SLC25A37: variants seen among roughly 807,000 people sequenced by gnomAD.
The protein encoded by SLC25A37 is mitoferrin-1.
SLC25A37 carries 17 observed loss-of-function variants against 31.0 expected under a neutral mutation model. The ratio of observed to expected loss-of-function variants is 0.55; its 90% confidence interval spans 0.38 to 0.82. The LOEUF is 0.82. SLC25A37 is among the 40% of genes least tolerant of loss of function. SLC25A37 has a pLI of 0.00. For missense variants in SLC25A37, 404 were observed against 465.8 expected (o/e 0.87, Z 1.22); for synonymous variants, 222 against 193.0 (o/e 1.15, Z -1.24).
chr8:23,557,715 C>T (rs1161933448), intron 1 of SLC25A37, among the ~76,000 whole-genome samples: 1 of 152,128 alleles, frequency 6.6e-6, no homozygotes, highest in South Asian at 2.1e-4. Context: ...CAGGGTGAGG[C>T]TTGGAAAACA....
At position 23,571,737 on chromosome 8, in the gene SLC25A37, A is replaced by G. The variant is rs756596587; in HGVS notation, c.899A>G (p.Lys300Arg). The G allele has an allele frequency of 3.7e-6, 6 of 1,613,882 alleles. No homozygotes were observed. Among genetic ancestry groups the G allele is most frequent in the Middle Eastern group, 1.6e-4 (1 of 6,084 alleles). ...CTCAACGGCCTGGCCGGCTACTTCA[A>G]AGGCATCCAGGCGCGTGTCATCTAC... The part of the protein sequence containing the change: ...YQLNGLAGYF[K>R]GIQARVIYQM... The change falls in exon 4 of 4, where the codon AAA becomes AGA. Residue 300 changes from lysine (K) to arginine (R), a missense_variant. This residue lies in a region of SLC25A37 where 243 missense variants were observed against 284.4 expected (regional missense o/e 0.85). Coordinates refer to ENST00000519973, the MANE Select transcript of SLC25A37 (RefSeq NM_016612.4).
chr8:23,540,810 C>A (rs1221382515), intron 1 of SLC25A37, among the ~76,000 whole-genome samples: 55 of 152,306 alleles, frequency 3.6e-4, no homozygotes, highest in Non-Finnish European at 3.1e-4. Flanking sequence ...TAACGGTGCC[C>A]ATCCTGCCTC....
chr8:23,535,385 C>A (rs1801745675), intron 1 of SLC25A37, among the ~76,000 whole-genome samples: 1 of 152,172 alleles, frequency 6.6e-6, no homozygotes, highest in African/African-American at 2.4e-5. Context: ...CATAGGGAAA[C>A]CAGGACCTCA....
In SLC25A37 at chr8:23,571,887, C is replaced by T; in HGVS notation, c.*32C>T. On this transcript the variant is annotated 3_prime_UTR_variant, in exon 4 of 4. Coordinates refer to ENST00000519973, the MANE Select transcript of SLC25A37 (RefSeq NM_016612.4). ...GGATCATAGAATCTTTTCTTAAAGT[C>T]ATTCTCTGCCTGCATCCAGCCCCTT... is the stretch of plus-strand genomic sequence containing the variant. 6.3e-7 allele frequency: 1 copy of T among 1,595,454 alleles called. No individual in the cohort carries two copies. The highest frequency in any genetic ancestry group is 8.6e-7 in the Non-Finnish European group (1 of 1,167,906).
chr8:23,529,513 G>C lies in SLC25A37; in HGVS notation c.210+301G>C, dbSNP rs1444870468. 6.6e-6 allele frequency among the ~76,000 whole-genome samples: 1 copy of C among 152,032 alleles called. No homozygotes were observed. The highest frequency in any genetic ancestry group is 1.5e-5 in the Non-Finnish European group (1 of 67,946). On this transcript the variant is annotated intron_variant, in intron 1 of 3. Coordinates refer to ENST00000519973, the MANE Select transcript of SLC25A37 (RefSeq NM_016612.4). The surrounding 1 kb of genome is among the most constrained non-coding windows in gnomAD (Gnocchi z 4.1). ...GGAGTGGCGAGCACCGCTGGCTTCG[G>C]CGGCGACTGGGCTCCCGGGGGACGC...
At chr8:23,538,289 G>T (rs545018876) in intron 1 of SLC25A37, among the ~76,000 whole-genome samples, 1 of 147,340 alleles carries the variant, frequency 6.8e-6, no homozygotes, top group South Asian at 2.2e-4. Context: ...GCTGAGGAAG[G>T]AGAATCACTT....
intron 1 of SLC25A37, among the ~76,000 whole-genome samples, chr8:23,542,448 G>A (rs545385731): frequency 1.7e-4 from 25 of 143,726 alleles, no homozygotes; most frequent in African/African-American, 6.4e-4. Context: ...GCGCGATCTC[G>A]GCTTACTGCA....
chr8:23,542,194 A>G (rs1374019197), intron 1 of SLC25A37, among the ~76,000 whole-genome samples: 1 of 152,178 alleles, frequency 6.6e-6, no homozygotes, highest in African/African-American at 2.4e-5. Context: ...GGGCATCACA[A>G]CGCATTGCAT....
At chr8:23,567,912 A>G in intron 2 of SLC25A37, 1 of 216,860 alleles carries the variant, frequency 4.6e-6, no homozygotes, top group Non-Finnish European at 9.2e-6. Flanking sequence ...TGTAGATATG[A>G]TATCTCCTTT....
intron 1 of SLC25A37, chr8:23,541,972 TTGGC>T (rs1801904962): frequency 6.6e-6 from 1 of 152,278 alleles, no homozygotes; most frequent in Non-Finnish European, 1.5e-5. Context: ...TTGCTAAACG[TTGGC>T]TTGCGTTAGC....
intron 1 of SLC25A37, among the ~76,000 whole-genome samples, chr8:23,530,871 C>T (rs1251032114): frequency 6.6e-6 from 1 of 152,168 alleles, no homozygotes; most frequent in African/African-American, 2.4e-5. Flanking sequence ...CTTCTGAGCA[C>T]CCTTTGACAC....
chr8:23,563,706 G>A (rs1228075854), intron 1 of SLC25A37, among the ~76,000 whole-genome samples: 1 of 152,218 alleles, frequency 6.6e-6, no homozygotes, highest in Non-Finnish European at 1.5e-5. Context: ...AACTGGCCGG[G>A]TGCAGTGGCT....
intron 1 of SLC25A37, among the ~76,000 whole-genome samples, chr8:23,533,731 G>T (rs1006509409): frequency 2.0e-5 from 3 of 152,118 alleles, no homozygotes; most frequent in Non-Finnish European, 4.4e-5. Flanking sequence ...TCTTGTCAAA[G>T]AATTTGTGTT....
intron 1 of SLC25A37, among the ~76,000 whole-genome samples, chr8:23,563,450 G>T (rs1802567325): frequency 6.6e-6 from 1 of 152,196 alleles, no homozygotes; most frequent in African/African-American, 2.4e-5. Context: ...GCCTCCCAAA[G>T]CGCCAGGATT....
intron 1 of SLC25A37, among the ~76,000 whole-genome samples, chr8:23,540,526 A>G (rs974026396): frequency 3.3e-5 from 5 of 152,216 alleles, no homozygotes; most frequent in African/African-American, 1.2e-4. Context: ...CCAGCAAGCA[A>G]GGAAGAAGGA....
chr8:23,566,792 A>G, intron 2 of SLC25A37: 1 of 987,830 alleles, frequency 1.0e-6, no homozygotes, highest in Non-Finnish European at 1.2e-6. Flanking sequence ...TACAACGCCA[A>G]GATCTAACTA....
intron 1 of SLC25A37, among the ~76,000 whole-genome samples, chr8:23,542,290 G>T (rs1801915179): frequency 6.6e-6 from 1 of 151,508 alleles, no homozygotes. Flanking sequence ...AGTAGGTAAT[G>T]CTTGCAAATA....
In SLC25A37 at chr8:23,571,669, C is replaced by T. The variant is rs34146184; in HGVS notation, c.831C>T (p.Gly277=). ...NVALSLANIS[G]RLSGMANAFR... Reference sequence around the variant, plus strand: ...CCCTCTCGCTGGCCAACATCAGCGGCCGGCTGTCGGGTATGGCCAATGCCT... The same window carrying T: ...CCCTCTCGCTGGCCAACATCAGCGGTCGGCTGTCGGGTATGGCCAATGCCT... The change falls in exon 4 of 4, where the codon GGC becomes GGT. Residue 277 remains glycine (G), a synonymous_variant. Coordinates refer to ENST00000519973, the MANE Select transcript of SLC25A37 (RefSeq NM_016612.4). 3,278 of 1,613,928 alleles carry T rather than the reference C, an allele frequency of 2.0e-3. 53 individuals are homozygous for T. The African/African-American group carries it at 0.039, about 19-fold the overall frequency.
intron 3 of SLC25A37, 148 bp downstream of exon 3, chr8:23,568,526 C>T (rs1489965338): frequency 5.0e-5 from 43 of 863,158 alleles, no homozygotes; most frequent in South Asian, 4.9e-4. Flanking sequence ...TTTTTTACTA[C>T]GTTATCAAAG....
Sources: allele counts gnomAD v4.1 joint callset (sites outside exome capture counted in the v4.1 genomes callset), GRCh38; gene constraint gnomAD v4.1.1; regional missense constraint gnomAD v4.1.1; non-coding constraint Gnocchi (gnomAD v3.1); transcripts MANE v1.5; gene names NCBI Gene and HGNC (gene_info 2026-07-23, HGNC 2026-07-21).